Variants in GLG1 observed in about 807,000 individuals in gnomAD.
The protein encoded by GLG1 is golgi glycoprotein 1.
Under a neutral mutation model 160.5 loss-of-function variants are expected in GLG1, and 38 were observed. The observed-to-expected ratio is 0.24, with a 90% CI of 0.18 to 0.31. The LOEUF is 0.31. Among genes scored for constraint, GLG1 ranks in the 10% least tolerant of loss-of-function variants. GLG1 has a pLI of 1.00. For missense variants in GLG1, 1,373 were observed against 1,505.2 expected (o/e 0.91, Z 1.45); for synonymous variants, 644 against 543.4 (o/e 1.19, Z -2.57).
intron 2 of GLG1, among the ~76,000 whole-genome samples, chr16:74,523,182 A>G (rs983868298): frequency 6.6e-6 from 1 of 152,236 alleles, no homozygotes; most frequent in African/African-American, 2.4e-5. Context: ...CCAATCTCCA[A>G]GTCATGAAGA....
At chr16:74,502,473 G>T (rs1228776975) in intron 4 of GLG1, among the ~76,000 whole-genome samples, 1 of 151,978 alleles carries the variant, frequency 6.6e-6, no homozygotes, top group African/African-American at 2.4e-5. Flanking sequence ...CAACTAACTA[G>T]AAGTACCTTC....
At chr16:74,457,825 T>A in intron 24 of GLG1, 49 bp downstream of exon 24, 1 of 1,577,836 alleles carries the variant, frequency 6.3e-7, no homozygotes, top group Non-Finnish European at 8.7e-7. Context: ...GAGTCTTTGC[T>A]CTTCCCAAGA....
intron 1 of GLG1, among the ~76,000 whole-genome samples, chr16:74,589,459 C>T (rs899063989): frequency 6.6e-6 from 1 of 152,148 alleles, no homozygotes; most frequent in African/African-American, 2.4e-5. Flanking sequence ...TATTTTGGTG[C>T]AGCAAATTCC....
At position 74,559,595 on chromosome 16, in the gene GLG1, T is replaced by C. The variant is rs150417283; in HGVS notation, c.439-27442A>G. ...CCTCAAACCTCTCTCATCTTAATTT[T>C]AGAGAGTGAAATATGCAGATAGTCT... On this transcript the variant is annotated intron_variant, in intron 1 of 25. Coordinates refer to ENST00000422840, the MANE Select transcript of GLG1 (RefSeq NM_001145667.2). Among the ~76,000 whole-genome samples, 1,185 of 152,310 alleles carry C rather than the reference T, an allele frequency of 7.8e-3. 8 individuals are homozygous for C. The highest frequency in any genetic ancestry group is 0.014 in the Admixed American group (214 of 15,294).
rs144087440 is a variant in GLG1 at position 74,472,372 on chromosome 16, G to C, written c.2092C>G (p.Pro698Ala). Residue 698 changes from proline to alanine, a missense_variant, in exon 14 of 26, where the codon CCC (proline) becomes GCC (alanine). By Grantham distance (27) the Pro-to-Ala change is conservative. Transcript: ENST00000422840. ...ACGTGGCAGAAGTTCTGAATTATGG[G>C]CTCACAGGCTCTCATCAGCAAGGCT... ...IEALLMRACEPIIQNFCHDVA... is the reference protein window; with the variant it reads ...IEALLMRACEAIIQNFCHDVA... 9 of 1,611,366 alleles carry C rather than the reference G, an allele frequency of 5.6e-6. No homozygotes were observed. In the African/African-American group the frequency reaches 9.4e-5, roughly 17 times the overall value.
intron 15 of GLG1, among the ~76,000 whole-genome samples, chr16:74,470,502 G>A (rs920407074): frequency 7.0e-6 from 1 of 143,680 alleles, no homozygotes; most frequent in Non-Finnish European, 1.5e-5. Flanking sequence ...AGGCTGGAGT[G>A]CAGTTGTGCG....
chr16:74,486,902 T>TG (rs1331245230), intron 8 of GLG1, among the ~76,000 whole-genome samples: 2 of 150,972 alleles, frequency 1.3e-5, no homozygotes, highest in South Asian at 4.2e-4. Context: ...GATGGTGTTT[T>TG]GGGGTAGAAA....
At chr16:74,461,559 C>T (rs2014798297) in intron 22 of GLG1, 1 of 151,592 alleles carries the variant, frequency 6.6e-6, no homozygotes, top group Non-Finnish European at 1.5e-5. Flanking sequence ...CAACCTCCGC[C>T]TCCCGGGTTC....
intron 22 of GLG1, among the ~76,000 whole-genome samples, chr16:74,460,022 A>ATT (rs372902114): frequency 7.8e-6 from 1 of 128,930 alleles, no homozygotes; most frequent in African/African-American, 2.9e-5. Flanking sequence ...TGCCTGGCTG[A>ATT]TTTTTTTTTT....
chr16:74,496,341 A>T (rs545485011), intron 5 of GLG1, 100 bp downstream of exon 5: 32 of 825,350 alleles, frequency 3.9e-5, no homozygotes, highest in Non-Finnish European at 9.6e-6. Flanking sequence ...ACATAGCAAG[A>T]CTCAATCTCT....
intron 22 of GLG1, among the ~76,000 whole-genome samples, chr16:74,460,169 G>C (rs2014731644): frequency 6.6e-6 from 1 of 152,070 alleles, no homozygotes; most frequent in East Asian, 1.9e-4. Flanking sequence ...TTACAGGTAT[G>C]TACCACCATG....
rs1393254050 is a variant in GLG1, at chr16:74,453,273, T to C, written c.3434A>G (p.Asn1145Ser). ...CCCACTGATCACAGAGAGAATGTAG[T>C]TCTTAGATGGAGACGTCATTACTTG... Reference protein sequence around the residue: ...AMQVMTSPSKNYILSVISGSI... With the variant: ...AMQVMTSPSKSYILSVISGSI... The change falls in exon 26 of 26, where the codon AAC (asparagine) becomes AGC (serine). Residue 1145 changes from asparagine to serine, a missense_variant. Asn to Ser is a conservative substitution (Grantham distance 46, BLOSUM62 1). Coordinates refer to ENST00000422840, the MANE Select transcript of GLG1 (RefSeq NM_001145667.2). The C allele has an allele frequency of 9.3e-6, 15 of 1,613,798 alleles. No individual in the cohort carries two copies. Among genetic ancestry groups the C allele is most frequent in the Non-Finnish European group, 1.3e-5 (15 of 1,179,734 alleles).
At chr16:74,578,117 GTTT>G (rs1485928352) in intron 1 of GLG1, among the ~76,000 whole-genome samples, 1 of 152,096 alleles carries the variant, frequency 6.6e-6, no homozygotes, top group Admixed American at 6.5e-5. Context: ...TATTTTGTTT[GTTT>G]TTGTTTAATT....
intron 1 of GLG1, among the ~76,000 whole-genome samples, chr16:74,569,980 T>A (rs2018781014): frequency 6.6e-6 from 1 of 150,510 alleles, no homozygotes; most frequent in African/African-American, 2.4e-5. Context: ...CCCAGGAGTT[T>A]GAGACCAGTT....
chr16:74,587,551 TGGAATTAGCACATGA>T (rs1958080733), intron 1 of GLG1, among the ~76,000 whole-genome samples: 2 of 152,136 alleles, frequency 1.3e-5, no homozygotes, highest in African/African-American at 4.8e-5. Context: ...ACAGACATGA[TGGAATTAGCACATGA>T]GGACCTCAAA....
chr16:74,593,225 C>T (rs761025506), intron 1 of GLG1, among the ~76,000 whole-genome samples: 1 of 152,142 alleles, frequency 6.6e-6, no homozygotes, highest in Non-Finnish European at 1.5e-5. Flanking sequence ...GACAATGGCA[C>T]TAATTAACAG....
intron 1 of GLG1, among the ~76,000 whole-genome samples, chr16:74,542,187 A>G (rs934818007): frequency 1.4e-5 from 2 of 147,694 alleles, no homozygotes; most frequent in African/African-American, 5.0e-5. Flanking sequence ...TAACTTTTAC[A>G]TGGGAGTTTT....
intron 1 of GLG1, among the ~76,000 whole-genome samples, chr16:74,541,668 T>C (rs1228492191): frequency 1.3e-5 from 2 of 152,228 alleles, no homozygotes; most frequent in African/African-American, 4.8e-5. Flanking sequence ...TAGCCTTTCA[T>C]TCTCTGTATA....
intron 25 of GLG1, among the ~76,000 whole-genome samples, chr16:74,454,378 A>T (rs1260545664): frequency 1.3e-5 from 2 of 150,196 alleles, no homozygotes; most frequent in Admixed American, 6.6e-5. Context: ...TAATTAAAAA[A>T]TTTTTTTTGG....
Sources: gnomAD v4.1 joint callset for allele counts (sites outside exome capture counted in the v4.1 genomes callset) on GRCh38, gnomAD v4.1.1 for gene constraint, MANE v1.5 for transcripts, NCBI Gene and HGNC (gene_info 2026-07-23, HGNC 2026-07-21) for gene names.